Variants in RAPGEF4 observed in about 807,000 individuals in gnomAD.
RAPGEF4 encodes RAP guanine-nucleotide-exchange factor (GEF) 4.
A neutral mutation model predicts 147.9 loss-of-function variants in RAPGEF4; 66 were observed. The ratio of observed to expected loss-of-function variants is 0.45; its 90% CI spans 0.37 to 0.55. RAPGEF4 has a LOEUF of 0.55. Among genes scored for constraint, RAPGEF4 ranks in the 20% least tolerant of loss-of-function variants. The pLI, the probability that RAPGEF4 is intolerant of heterozygous loss-of-function variation, is 0.00. For synonymous variants in RAPGEF4, 419 were observed against 442.7 expected (o/e 0.95, Z 0.67); for missense variants, 1,071 against 1,257.3 (o/e 0.85, Z 2.24).
chr2:172,986,452 G>A (rs532581119), intron 12 of RAPGEF4, among the ~76,000 whole-genome samples: 96 of 152,262 alleles, frequency 6.3e-4, no homozygotes, highest in African/African-American at 2.3e-3. Context: ...TGATATTTCT[G>A]ACATTGATAT....
chr2:172,988,618 G>C, intron 13 of RAPGEF4, 75 bp from the exon 14 acceptor site: 1 of 1,477,524 alleles, frequency 6.8e-7, no homozygotes, highest in Non-Finnish European at 9.3e-7. Flanking sequence ...GGGCTTGGGG[G>C]TCTTGTGGCA....
chr2:172,869,828 G>A (rs565672876), intron 4 of RAPGEF4, among the ~76,000 whole-genome samples: 49 of 152,272 alleles, frequency 3.2e-4, no homozygotes, highest in South Asian at 2.5e-3. Context: ...CCAGAAATCT[G>A]AGCTCAGACA....
chr2:172,810,422 G>A (rs894759064), intron 3 of RAPGEF4, among the ~76,000 whole-genome samples: 1 of 152,232 alleles, frequency 6.6e-6, no homozygotes, highest in Admixed American at 6.5e-5. Flanking sequence ...GTGTGGCCCA[G>A]TTCCCACTCA....
In RAPGEF4 at chr2:173,027,223, T is replaced by G. The variant is rs758967963; in HGVS notation, c.2522T>G (p.Val841Gly). 1.2e-6 allele frequency: 2 copies of G among 1,600,320 alleles called. No individual in the cohort carries two copies. The highest frequency in any genetic ancestry group is 8.5e-7 in the Non-Finnish European group (1 of 1,176,644). ...CTTTGTTCTCAGCTCAGCAAGCGTG[T>G]TCAGCTATTAAAAAAATTTATTAAG... ...ICLCSQLSKR[V>G]QLLKKFIKIA... Residue 841 changes from valine (V) to glycine (G), a missense_variant, in exon 25 of 31, where the codon GTT becomes GGT. Physicochemically the swap from Val to Gly is moderately radical, Grantham distance 109. Coordinates refer to ENST00000397081, the MANE Select transcript of RAPGEF4 (RefSeq NM_007023.4).
At chr2:173,021,842 G>A (rs1696128843) in intron 23 of RAPGEF4, among the ~76,000 whole-genome samples, 1 of 152,064 alleles carries the variant, frequency 6.6e-6, no homozygotes, top group Non-Finnish European at 1.5e-5. Context: ...ACCATATTTT[G>A]AATTCACTTG....
At chr2:173,007,798 G>T (rs1293643812) in intron 17 of RAPGEF4, among the ~76,000 whole-genome samples, 1 of 152,136 alleles carries the variant, frequency 6.6e-6, no homozygotes, top group Admixed American at 6.5e-5. Flanking sequence ...AGAATGTCAG[G>T]CTGCTCCACA....
At chr2:172,984,480 C>A (rs559352600) in intron 11 of RAPGEF4, among the ~76,000 whole-genome samples, 1 of 152,320 alleles carries the variant, frequency 6.6e-6, no homozygotes, top group African/African-American at 2.4e-5. Flanking sequence ...TCAACCTAGA[C>A]AAACCTCCTT....
intron 4 of RAPGEF4, among the ~76,000 whole-genome samples, chr2:172,858,082 G>C (rs1693646441): frequency 6.6e-6 from 1 of 152,116 alleles, no homozygotes; most frequent in Admixed American, 6.5e-5. Flanking sequence ...TGGATAAATA[G>C]TAAACTTTTA....
At chr2:172,920,233 C>T (rs1344009904) in intron 5 of RAPGEF4, among the ~76,000 whole-genome samples, 1 of 151,950 alleles carries the variant, frequency 6.6e-6, no homozygotes, top group Non-Finnish European at 1.5e-5. Context: ...TTATTTTTGA[C>T]ATTTTTTTTC....
At chr2:172,919,410 A>G (rs1222805899) in intron 5 of RAPGEF4, among the ~76,000 whole-genome samples, 1 of 152,102 alleles carries the variant, frequency 6.6e-6, no homozygotes, top group Non-Finnish European at 1.5e-5. Context: ...ACCAGACCTG[A>G]TCATTCCCGT....
At chr2:172,900,018 A>G (rs1402133253) in intron 4 of RAPGEF4, among the ~76,000 whole-genome samples, 1 of 152,182 alleles carries the variant, frequency 6.6e-6, no homozygotes, top group Non-Finnish European at 1.5e-5. Flanking sequence ...AGATAACTGG[A>G]CACATGGGCA....
intron 4 of RAPGEF4, among the ~76,000 whole-genome samples, chr2:172,864,671 A>G (rs902380108): frequency 6.6e-6 from 1 of 152,218 alleles, no homozygotes; most frequent in Non-Finnish European, 1.5e-5. Context: ...TGGGAGGCTG[A>G]GGTGGGTGGA....
At chr2:172,904,771 C>T (rs544573657) in intron 4 of RAPGEF4, among the ~76,000 whole-genome samples, 1 of 151,988 alleles carries the variant, frequency 6.6e-6, no homozygotes, top group Non-Finnish European at 1.5e-5. Flanking sequence ...TTTCCAGCCC[C>T]CTTGAGGTGC....
intron 10 of RAPGEF4, among the ~76,000 whole-genome samples, chr2:172,976,732 G>T (rs1691116697): frequency 6.6e-6 from 1 of 152,132 alleles, no homozygotes; most frequent in Non-Finnish European, 1.5e-5. Flanking sequence ...GCTGCTTGAT[G>T]GCTGGATGAA....
At chr2:172,796,467 C>T (rs1205246024) in intron 2 of RAPGEF4, among the ~76,000 whole-genome samples, 3 of 152,058 alleles carry the variant, frequency 2.0e-5, no homozygotes, top group Non-Finnish European at 2.9e-5. Flanking sequence ...CACCTATAGT[C>T]CCAGCTACTC....
At chr2:173,051,308 G>A (rs984439188) in intron 30 of RAPGEF4, among the ~76,000 whole-genome samples, 5 of 152,158 alleles carry the variant, frequency 3.3e-5, no homozygotes, top group African/African-American at 1.2e-4. Context: ...GTGAGACACA[G>A]AGACCTCTGG....
chr2:172,803,957 A>G (rs1360417744), intron 3 of RAPGEF4, among the ~76,000 whole-genome samples: 3 of 152,206 alleles, frequency 2.0e-5, no homozygotes, highest in Admixed American at 2.0e-4. Context: ...TCCATCTGAG[A>G]CTATCATGAG....
At chr2:172,941,386 C>A (rs1271757042) in intron 6 of RAPGEF4, among the ~76,000 whole-genome samples, 3 of 152,036 alleles carry the variant, frequency 2.0e-5, no homozygotes, top group Non-Finnish European at 2.9e-5. Flanking sequence ...TTATTTTAAC[C>A]ATTTGTATAA....
intron 1 of RAPGEF4, among the ~76,000 whole-genome samples, chr2:172,745,817 T>A (rs1694718007): frequency 6.6e-6 from 1 of 152,202 alleles, no homozygotes; most frequent in Admixed American, 6.5e-5. Flanking sequence ...TCCCTCAGCC[T>A]CAAGAATATA....
Sources: gnomAD v4.1 joint callset for allele counts (sites outside exome capture counted in the v4.1 genomes callset) on GRCh38, gnomAD v4.1.1 for gene constraint, MANE v1.5 for transcripts, NCBI Gene and HGNC (gene_info 2026-07-23, HGNC 2026-07-21) for gene names.